The following ADNP2 variants were observed in gnomAD, a reference collection of about 807,000 sequenced individuals.
The protein encoded by ADNP2 is ADNP homeobox 2.
Under a neutral mutation model 16.4 loss-of-function variants are expected in ADNP2, and 8 were observed. The ratio of observed to expected loss-of-function variants is 0.49; its 90% CI spans 0.29 to 0.88. ADNP2 has a LOEUF of 0.88. Among genes scored for constraint, ADNP2 ranks in the 40% least tolerant of loss-of-function variants. The pLI is 0.09. For synonymous variants in ADNP2, 637 were observed against 545.8 expected (o/e 1.17, Z -2.33); for missense variants, 1,397 against 1,395.1 (o/e 1.00, Z -0.02).
chr18:80,122,094 A>G (rs779425428), intron 2 of ADNP2, among the ~76,000 whole-genome samples: 2 of 151,932 alleles, frequency 1.3e-5, no homozygotes, highest in Non-Finnish European at 2.9e-5. Flanking sequence ...TAATTTTTGT[A>G]TTTTTAGTAG....
chr18:80,113,023 A>G (rs2052367441), intron 1 of ADNP2, among the ~76,000 whole-genome samples: 1 of 152,134 alleles, frequency 6.6e-6, no homozygotes, highest in Admixed American at 6.5e-5. Context: ...GCAGCTAACA[A>G]AATTTTCGTT....
intron 2 of ADNP2, among the ~76,000 whole-genome samples, chr18:80,123,900 T>C (rs1159845731): frequency 6.6e-6 from 1 of 151,876 alleles, no homozygotes; most frequent in Non-Finnish European, 1.5e-5. Context: ...CAGCTAATTT[T>C]TGTATTTTTA....
At chr18:80,123,438 CT>C (rs1406270363) in intron 2 of ADNP2, among the ~76,000 whole-genome samples, 1 of 152,018 alleles carries the variant, frequency 6.6e-6, no homozygotes, top group Non-Finnish European at 1.5e-5. Flanking sequence ...GTGGCGCAAT[CT>C]TGGCTCACCG....
intron 1 of ADNP2, among the ~76,000 whole-genome samples, chr18:80,115,065 AGG>A (rs2052380782): frequency 6.6e-6 from 1 of 152,134 alleles, no homozygotes; most frequent in African/African-American, 2.4e-5. Flanking sequence ...AAAGGTCAGG[AGG>A]GGGCATTAGA....
rs2052535930 is a variant in ADNP2 at position 80,136,476 on chromosome 18, GTCTT to G, written c.1071_1074del (p.Ser358ThrfsTer9). On this transcript the variant is annotated frameshift_variant, in exon 4 of 4. Transcript: ENST00000262198. LOFTEE classifies it low-confidence loss of function (END_TRUNC). ...CCTGCAGCCCCCAGCACCTCAGCCC[GTCTT>G]TCTTTCTCACGGGGTTCCACTTCAT... 6.2e-7 allele frequency: 1 copy of G among 1,614,186 alleles called. No individual in the cohort carries two copies.
Position 80,135,657 on chromosome 18 carries a change from A to G in ADNP2, c.244A>G (p.Thr82Ala), listed in dbSNP as rs749590846. 10 of 1,614,232 alleles carry G rather than the reference A, an allele frequency of 6.2e-6. No homozygotes were observed. The highest frequency in any genetic ancestry group is 2.2e-5 in the East Asian group (1 of 44,888). Residue 82 changes from threonine to alanine, a missense_variant, in exon 4 of 4, where the codon ACA becomes GCA. Physicochemically the swap from Thr to Ala is moderately conservative, Grantham distance 58. Coordinates refer to ENST00000262198, the MANE Select transcript of ADNP2 (RefSeq NM_014913.4). ...PYCCGLCKYS[T>A]KVLTSFKNHL... ...CTGTTGTGGCCTCTGTAAATACTCTACAAAGGTGCTTACTTCATTCAAGAA... is the reference window on the plus strand; with the variant it reads ...CTGTTGTGGCCTCTGTAAATACTCTGCAAAGGTGCTTACTTCATTCAAGAA...
chr18:80,113,488 T>C (rs1453431727), intron 1 of ADNP2, among the ~76,000 whole-genome samples: 1 of 152,176 alleles, frequency 6.6e-6, no homozygotes, highest in Non-Finnish European at 1.5e-5. Flanking sequence ...CTTTTCCTTC[T>C]TTACCTCAAT....
chr18:80,128,162 A>C (rs772151316), intron 2 of ADNP2, among the ~76,000 whole-genome samples: 3 of 152,024 alleles, frequency 2.0e-5, no homozygotes, highest in Admixed American at 6.5e-5. Context: ...AGCATCTTTT[A>C]ATTGGGCTTA....
intron 2 of ADNP2, among the ~76,000 whole-genome samples, chr18:80,121,243 A>G (rs968695621): frequency 5.3e-5 from 8 of 151,550 alleles, no homozygotes; most frequent in Non-Finnish European, 1.2e-4. Context: ...CCATCCTAAT[A>G]GTGTAAAGTG....
At chr18:80,112,442 AAAG>A (rs951373536) in intron 1 of ADNP2, among the ~76,000 whole-genome samples, 7 of 152,074 alleles carry the variant, frequency 4.6e-5, no homozygotes, top group African/African-American at 1.4e-4. Flanking sequence ...ACAAAAAAAA[AAAG>A]GAGGGGGGAA....
intron 1 of ADNP2, among the ~76,000 whole-genome samples, chr18:80,111,692 G>A (rs1018336766): frequency 6.6e-6 from 1 of 151,022 alleles, no homozygotes; most frequent in South Asian, 2.1e-4. Context: ...TCAGCGTCCC[G>A]AGTAGGACCC....
At position 80,137,993 on chromosome 18, in the gene ADNP2, G is replaced by A. The variant is rs1405037845; in HGVS notation, c.2580G>A (p.Arg860=). Residue 860 remains arginine (R), a synonymous_variant, in exon 4 of 4, where the codon AGG becomes AGA. Coordinates refer to ENST00000262198, the MANE Select transcript of ADNP2 (RefSeq NM_014913.4). This position sits in a 1 kb window ranked among gnomAD's most constrained non-coding sequence, Gnocchi z 4.2. ...KSLVPVYVKV[R]PQAEGTPGST... ...TGGTGCCTGTGTATGTGAAGGTGAG[G>A]CCTCAGGCTGAGGGCACCCCCGGGA... is the stretch of plus-strand genomic sequence containing the variant. 4 of 1,613,246 alleles carry A rather than the reference G, an allele frequency of 2.5e-6. No individual in the cohort carries two copies. Among genetic ancestry groups the A allele is most frequent in the African/African-American group, 2.7e-5 (2 of 74,896 alleles).
Position 80,137,707 on chromosome 18 carries a change from T to TG in ADNP2, c.2295dup (p.Leu766AlafsTer16), listed in dbSNP as rs1393972657. ...TCTGAGGAAGAGCTTATACACCACT[T>TG]GCTGATGCATGGCTTGGGGTGCTTG... is the stretch of plus-strand genomic sequence containing the variant. On this transcript the variant is annotated frameshift_variant, in exon 4 of 4. Transcript: ENST00000262198. LOFTEE classifies it low-confidence loss of function (END_TRUNC). The surrounding 1 kb of genome is among the most constrained non-coding windows in gnomAD (Gnocchi z 4.2). The TG allele has an allele frequency of 6.2e-7, 1 of 1,614,182 alleles. No homozygotes were observed. The highest frequency in any genetic ancestry group is 1.7e-5 in the Admixed American group (1 of 60,026).
At chr18:80,109,692 A>ACGCGCCCGCGGCCCGC (rs1325286467) in intron 1 of ADNP2, 12 of 149,212 alleles carry the variant, frequency 8.0e-5, no homozygotes, top group Non-Finnish European at 1.5e-4. Flanking sequence ...TCGACCCCCG[A>ACGCGCCCGCGGCCCGC]CGCGCCCGCG....
chr18:80,110,787 G>A (rs1313537124), intron 1 of ADNP2, among the ~76,000 whole-genome samples: 1 of 152,142 alleles, frequency 6.6e-6, no homozygotes, highest in Non-Finnish European at 1.5e-5. Context: ...TAAACATGAA[G>A]TGACAGATGT....
rs1475524585 is a variant in ADNP2 at position 80,139,030 on chromosome 18, G to GT, written c.*225dup. 1 of 398,852 alleles carries GT rather than the reference G, an allele frequency of 2.5e-6. No homozygotes were observed. Among genetic ancestry groups the GT allele is most frequent in the East Asian group, 3.7e-5 (1 of 26,722 alleles). The allele number at this position is 398,852 out of a possible 1,614,324, so 24.7% of individuals were successfully genotyped here. A position where few individuals can be genotyped will look rare whatever the true frequency, so the allele number is the denominator to read the frequency against. On this transcript the variant is annotated 3_prime_UTR_variant, in exon 4 of 4. Transcript: ENST00000262198. ...CAGTTTGATTTGTAACAGAACAGTT[G>GT]TTTTCAGGTTTTTTTCTCTGTCATG... is the stretch of plus-strand genomic sequence containing the variant.
intron 2 of ADNP2, among the ~76,000 whole-genome samples, chr18:80,125,426 G>A (rs553985597): frequency 6.6e-6 from 1 of 152,146 alleles, no homozygotes; most frequent in South Asian, 2.1e-4. Context: ...GGCGGATCAC[G>A]AGGTCAGGAG....
Position 80,136,071 on chromosome 18 carries a change from T to C in ADNP2, c.658T>C (p.Cys220Arg). ...PPPDKYYCKK[C>R]NANASSQDAL... ...ACCTGACAAATATTACTGTAAAAAGTGCAACGCCAATGCCAGCAGCCAGGA... is the reference window on the plus strand; with the variant it reads ...ACCTGACAAATATTACTGTAAAAAGCGCAACGCCAATGCCAGCAGCCAGGA... Residue 220 changes from cysteine (C) to arginine (R), a missense_variant, in exon 4 of 4, where the codon TGC becomes CGC. Transcript: ENST00000262198. The C allele has an allele frequency of 6.2e-7, 1 of 1,614,218 alleles. No individual in the cohort carries two copies. Among genetic ancestry groups the C allele is most frequent in the Non-Finnish European group, 8.5e-7 (1 of 1,180,028 alleles).
intron 1 of ADNP2, among the ~76,000 whole-genome samples, chr18:80,112,647 G>GT (rs777922254): frequency 1.2e-4 from 19 of 152,176 alleles, no homozygotes; most frequent in Non-Finnish European, 2.5e-4. Flanking sequence ...CCTTGAACAA[G>GT]TAACCACAGA....
Sources: gnomAD v4.1 joint callset for allele counts (sites outside exome capture counted in the v4.1 genomes callset) on GRCh38, gnomAD v4.1.1 for gene constraint, Gnocchi (gnomAD v3.1) non-coding constraint, MANE v1.5 for transcripts, NCBI Gene and HGNC (gene_info 2026-07-23, HGNC 2026-07-21) for gene names.